Variants in NTRK3 observed in about 807,000 individuals in gnomAD.
NTRK3 encodes the protein NT-3 growth factor receptor.
NTRK3 carries 24 observed loss-of-function variants against 91.7 expected under a neutral mutation model. The observed-to-expected ratio is 0.26, with a 90% CI of 0.19 to 0.37. The LOEUF is 0.37. Among genes scored for constraint, NTRK3 ranks in the 10% least tolerant of loss-of-function variants. The pLI is 1.00. For synonymous variants in NTRK3, 483 were observed against 404.0 expected, an observed-to-expected ratio of 1.20 and a Z score of -2.34; for missense variants, 880 against 1,068.9, an observed-to-expected ratio of 0.82 and a Z score of 2.46.
chr15:88,159,761 C>T (rs1676261609), intron 5 of NTRK3, among the ~76,000 whole-genome samples: 1 of 152,014 alleles, frequency 6.6e-6, no homozygotes, highest in Non-Finnish European at 1.5e-5. Flanking sequence ...ATTCACAATC[C>T]CCTCCTGGAA....
At chr15:88,135,310 G>C (rs145157285) in exon 10 of NTRK3, 1 of 1,614,176 alleles carries the variant, frequency 6.2e-7, no homozygotes, top group Non-Finnish European at 8.5e-7. Flanking sequence ...CCAGTGCAGC[G>C]TTGGTGGGGG....
chr15:88,058,521 C>A (rs1353520999), intron 13 of NTRK3, among the ~76,000 whole-genome samples: 1 of 152,114 alleles, frequency 6.6e-6, no homozygotes, highest in Non-Finnish European at 1.5e-5. Flanking sequence ...TCTCTCCTTT[C>A]CAGAAAGACC....
At chr15:88,050,513 GTGTA>G (rs1287925875) in intron 13 of NTRK3, among the ~76,000 whole-genome samples, 11 of 116,388 alleles carry the variant, frequency 9.5e-5, no homozygotes, top group African/African-American at 4.4e-4. Flanking sequence ...GTGTGTGTGT[GTGTA>G]TGTGTGTGTG....
intron 17 of NTRK3, among the ~76,000 whole-genome samples, chr15:87,893,127 G>C (rs2065930894): frequency 6.6e-6 from 1 of 152,164 alleles, no homozygotes; most frequent in South Asian, 2.1e-4. Context: ...CACAGGTACA[G>C]AGACTGAGCA....
chr15:88,117,036 C>A (rs1434311500), intron 13 of NTRK3, among the ~76,000 whole-genome samples: 1 of 152,174 alleles, frequency 6.6e-6, no homozygotes, highest in Non-Finnish European at 1.5e-5. Context: ...TGTTCCTCAA[C>A]CTTAGCTGCA....
intron 5 of NTRK3, among the ~76,000 whole-genome samples, chr15:88,158,704 T>C (rs2044150939): frequency 6.6e-6 from 1 of 152,224 alleles, no homozygotes; most frequent in Non-Finnish European, 1.5e-5. Context: ...CTGAAGCATG[T>C]GAGCTCTCTC....
intron 3 of NTRK3, among the ~76,000 whole-genome samples, chr15:88,195,510 T>C (rs2047741366): frequency 6.6e-6 from 1 of 152,216 alleles, no homozygotes; most frequent in African/African-American, 2.4e-5. Flanking sequence ...CAGCACTTTT[T>C]CCAACCACTT....
At chr15:88,228,874 C>T (rs1278215749) in intron 3 of NTRK3, among the ~76,000 whole-genome samples, 1 of 152,138 alleles carries the variant, frequency 6.6e-6, no homozygotes, top group Admixed American at 6.5e-5. Flanking sequence ...TCCCTGGCAA[C>T]AAGGGATGGC....
At chr15:88,070,118 G>T (rs1422226909) in intron 13 of NTRK3, among the ~76,000 whole-genome samples, 1 of 152,160 alleles carries the variant, frequency 6.6e-6, no homozygotes, top group East Asian at 1.9e-4. Flanking sequence ...AGAGAAATAT[G>T]AGACGTCCTC....
intron 3 of NTRK3, among the ~76,000 whole-genome samples, chr15:88,203,025 C>T (rs1440825178): frequency 2.0e-5 from 3 of 152,184 alleles, no homozygotes; most frequent in Non-Finnish European, 4.4e-5. Flanking sequence ...TGGCCAGCAC[C>T]TGCTTCTCTC....
At chr15:87,866,907 T>C in exon 19 of NTRK3, 1 of 212,960 alleles carries the variant, frequency 4.7e-6, no homozygotes, top group Non-Finnish European at 9.5e-6. Context: ...CATGTGGAAC[T>C]CCTCATCTAT....
chr15:88,060,271 C>T (rs2142455954), intron 13 of NTRK3, among the ~76,000 whole-genome samples: 1 of 151,814 alleles, frequency 6.6e-6, no homozygotes, highest in African/African-American at 2.4e-5. Flanking sequence ...GTAATCCCAG[C>T]TACTTGGGAG....
chr15:88,173,766 A>T (rs2045744174), intron 5 of NTRK3, among the ~76,000 whole-genome samples: 1 of 152,212 alleles, frequency 6.6e-6, no homozygotes, highest in Non-Finnish European at 1.5e-5. Flanking sequence ...AAAACAGCCA[A>T]GGCTGACCAG....
Position 88,229,722 on chromosome 15 carries a change from T to G in NTRK3, c.248+26184A>C, listed in dbSNP as rs150776614. 1.4e-3 allele frequency among the ~76,000 whole-genome samples: 210 copies of G among 152,324 alleles called. 1 individual carries two copies. Among genetic ancestry groups the G allele is most frequent in the African/African-American group, 4.9e-3 (203 of 41,574 alleles). ...GGGTGCAGCCTCCCTCACCTGCTCA[T>G]GGGCACTTGCTCACTCCCACCTTCC... On this transcript the variant is annotated intron_variant, in intron 3 of 18. Coordinates refer to ENST00000394480, the Ensembl canonical transcript of NTRK3.
chr15:88,114,090 T>C (rs2051760442), intron 13 of NTRK3, among the ~76,000 whole-genome samples: 1 of 152,088 alleles, frequency 6.6e-6, no homozygotes, highest in Non-Finnish European at 1.5e-5. Flanking sequence ...ATTATGGGAA[T>C]CCTGCTCTGT....
chr15:87,896,339 C>T (rs1201480695), intron 17 of NTRK3, among the ~76,000 whole-genome samples: 3 of 151,924 alleles, frequency 2.0e-5, no homozygotes, highest in Non-Finnish European at 2.9e-5. Flanking sequence ...GGCGTGGTGG[C>T]GCACACCTGT....
chr15:88,109,013 C>A (rs566996080), intron 13 of NTRK3, among the ~76,000 whole-genome samples: 65 of 152,320 alleles, frequency 4.3e-4, no homozygotes, highest in African/African-American at 1.5e-3. Flanking sequence ...TTTTCCAACC[C>A]AACAGAGTGC....
intron 17 of NTRK3, among the ~76,000 whole-genome samples, chr15:87,891,984 G>C (rs527701051): frequency 3.3e-5 from 5 of 152,102 alleles, no homozygotes; most frequent in African/African-American, 9.6e-5. Flanking sequence ...ATAGTTTTGA[G>C]GGACTTTGCA....
chr15:88,126,802 C>T (rs2053336525), intron 12 of NTRK3, among the ~76,000 whole-genome samples: 1 of 152,150 alleles, frequency 6.6e-6, no homozygotes, highest in Admixed American at 6.5e-5. Flanking sequence ...TAATCTTAGG[C>T]TCTGAAATAG....
Sources: gnomAD v4.1 joint callset for allele counts (sites outside exome capture counted in the v4.1 genomes callset) on GRCh38, gnomAD v4.1.1 for gene constraint, MANE v1.5 for transcripts, NCBI Gene and HGNC (gene_info 2026-07-23, HGNC 2026-07-21) for gene names.